Variants in DROSHA observed in about 807,000 individuals in gnomAD.
The protein encoded by DROSHA is drosha ribonuclease III, also known as ribonuclease 3.
A neutral mutation model predicts 181.9 loss-of-function variants in DROSHA; 56 were observed. The observed-to-expected ratio is 0.31, with a 90% CI of 0.25 to 0.38. The LOEUF is 0.38. DROSHA is among the 10% of genes least tolerant of loss of function. The pLI is 1.00. For missense variants in DROSHA, 1,218 were observed against 1,743.5 expected, an observed-to-expected ratio of 0.70 and a Z score of 5.37; for synonymous variants, 524 against 591.2, an observed-to-expected ratio of 0.89 and a Z score of 1.65.
At chr5:31,433,178 A>G (rs1293273318) in intron 25 of DROSHA, among the ~76,000 whole-genome samples, 3 of 152,208 alleles carry the variant, frequency 2.0e-5, no homozygotes, top group African/African-American at 7.2e-5. Context: ...CATATTGGAA[A>G]AACACAAAGA....
At chr5:31,472,355 A>G (rs1749833988) in intron 16 of DROSHA, 123 bp from the exon 17 acceptor site, 1 of 1,198,216 alleles carries the variant, frequency 8.3e-7, no homozygotes, top group South Asian at 1.8e-5. Context: ...CAAAAAGGTA[A>G]TGTAAAATTT....
At position 31,495,318 on chromosome 5, in the gene DROSHA, G is replaced by T. The variant is rs777194754; in HGVS notation, c.1723C>A (p.Arg575=). 6.2e-7 allele frequency: 1 copy of T among 1,613,830 alleles called. No individual in the cohort carries two copies. The highest frequency in any genetic ancestry group is 2.2e-5 in the East Asian group (1 of 44,876). ...TTCGTAGGCGGGGAGACTGTGATCC[G>T]GTAGTGGAAAAGTCTGCCAGCATTG... ...TNNAGRLFHY[R]ITVSPPTNFL... is the part of the protein sequence containing the mutation. Residue 575 remains arginine (R), a synonymous_variant, in exon 12 of 36, where the codon CGG becomes AGG. Coordinates refer to ENST00000344624, the MANE Select transcript of DROSHA (RefSeq NM_001382508.1).
At position 31,489,388 on chromosome 5, in the gene DROSHA, C is replaced by T. The variant is rs1752130673; in HGVS notation, c.1843-2826G>A. On this transcript the variant is annotated intron_variant, in intron 13 of 35. Coordinates refer to ENST00000344624, the MANE Select transcript of DROSHA (RefSeq NM_001382508.1). ...CTCTGACCTCTTCTCTTTGTATATA[C>T]TTTATTTTCTTTTGGGCTTCCATCC... Among the ~76,000 whole-genome samples, 2 of 152,296 alleles carry T rather than the reference C, an allele frequency of 1.3e-5. 1 individual carries two copies.
chr5:31,501,258 G>C (rs1002556556), intron 11 of DROSHA, among the ~76,000 whole-genome samples: 1 of 152,078 alleles, frequency 6.6e-6, no homozygotes, highest in Non-Finnish European at 1.5e-5. Flanking sequence ...GAGAATATGA[G>C]GCCAAGGTAA....
At chr5:31,485,134 T>TA (rs1366278442) in intron 14 of DROSHA, among the ~76,000 whole-genome samples, 172 bp from the exon 15 acceptor site, 1 of 152,192 alleles carries the variant, frequency 6.6e-6, no homozygotes, top group Admixed American at 6.5e-5. Flanking sequence ...GGAAATGAAA[T>TA]AGACAATAAT....
intron 6 of DROSHA, among the ~76,000 whole-genome samples, chr5:31,516,033 A>G (rs1485285055): frequency 6.6e-6 from 1 of 152,154 alleles, no homozygotes; most frequent in Non-Finnish European, 1.5e-5. Context: ...AGGCGGGAGG[A>G]TCACTTAAGC....
intron 4 of DROSHA, among the ~76,000 whole-genome samples, chr5:31,527,318 G>T (rs1412146413): frequency 6.6e-6 from 1 of 151,810 alleles, no homozygotes; most frequent in Non-Finnish European, 1.5e-5. Flanking sequence ...TGCAGATTTG[G>T]GATTACCACC....
intron 6 of DROSHA, among the ~76,000 whole-genome samples, chr5:31,520,753 A>G (rs1739803616): frequency 6.6e-6 from 1 of 152,176 alleles, no homozygotes; most frequent in Admixed American, 6.5e-5. Context: ...AGCAATCTCA[A>G]TGTCATTTTC....
rs644236 is a variant in DROSHA, at chr5:31,409,008, T to C, written c.3854+48A>G. The C allele has an allele frequency of 0.26, 399,012 of 1,559,842 alleles. 63,483 individuals carry two copies. Among genetic ancestry groups the C allele is most frequent in the East Asian group, 0.71 (31,373 of 44,444 alleles). On this transcript the variant is annotated intron_variant, in intron 33 of 35. Transcript: ENST00000344624. The surrounding 1 kb of genome is among the most constrained non-coding windows in gnomAD (Gnocchi z 4.0). ...CTTCAAGGCACATGGAAAGTCAATTTTAGGCATGCTGGATCCAACCAATGG... is the reference window on the plus strand; with the variant it reads ...CTTCAAGGCACATGGAAAGTCAATTCTAGGCATGCTGGATCCAACCAATGG...
intron 6 of DROSHA, among the ~76,000 whole-genome samples, chr5:31,518,059 G>A (rs1363670304): frequency 6.6e-6 from 1 of 152,162 alleles, no homozygotes; most frequent in Non-Finnish European, 1.5e-5. Flanking sequence ...ATCACAGTGT[G>A]CCTACACAAA....
chr5:31,500,196 T>G (rs958040505), intron 11 of DROSHA, among the ~76,000 whole-genome samples: 12 of 152,240 alleles, frequency 7.9e-5, no homozygotes, highest in African/African-American at 2.9e-4. Context: ...GGCCAATACC[T>G]ATAATTGGGG....
At chr5:31,503,223 G>C (rs1257082528) in intron 11 of DROSHA, among the ~76,000 whole-genome samples, 1 of 152,174 alleles carries the variant, frequency 6.6e-6, no homozygotes, top group Admixed American at 6.5e-5. Context: ...TAGCAGAGAG[G>C]AGGCTTCACA....
intron 30 of DROSHA, among the ~76,000 whole-genome samples, chr5:31,415,076 C>T (rs1332963890): frequency 6.6e-6 from 1 of 152,160 alleles, no homozygotes; most frequent in Non-Finnish European, 1.5e-5. Flanking sequence ...AGTCTTTCAT[C>T]ATTACTTTAA....
rs756049295 is a variant in DROSHA at position 31,504,616 on chromosome 5, C to G, written c.1607G>C (p.Cys536Ser). ...GCGTCTTGCCTTTGCGCTGCATTTG[C>G]AGAGTGGTCCATCATTCATCTGTCA... Reference protein sequence around the residue: ...DPGQMNDGPLCKCSAKARRTG... With the variant: ...DPGQMNDGPLSKCSAKARRTG... The change falls in exon 11 of 36, where the codon TGC (cysteine) becomes TCC (serine). Residue 536 changes from cysteine to serine, a missense_variant. Coordinates refer to ENST00000344624, the MANE Select transcript of DROSHA (RefSeq NM_001382508.1). 6.2e-7 allele frequency: 1 copy of G among 1,613,946 alleles called. No individual in the cohort carries two copies. The highest frequency in any genetic ancestry group is 8.5e-7 in the Non-Finnish European group (1 of 1,179,888).
At chr5:31,513,323 C>T (rs116703749) in intron 8 of DROSHA, among the ~76,000 whole-genome samples, 2,294 of 152,306 alleles carry the variant, frequency 0.015, 52 homozygotes, top group African/African-American at 0.052. Context: ...TCAGTGAACA[C>T]CAGCCATGGC....
At chr5:31,509,672 C>T (rs969029508) in intron 9 of DROSHA, among the ~76,000 whole-genome samples, 11 of 152,126 alleles carry the variant, frequency 7.2e-5, no homozygotes, top group Non-Finnish European at 5.9e-5. Context: ...GAATGCAAGA[C>T]CAAAGACTTG....
At chr5:31,432,123 A>G (rs1744250968) in intron 25 of DROSHA, among the ~76,000 whole-genome samples, 1 of 151,816 alleles carries the variant, frequency 6.6e-6, no homozygotes, top group South Asian at 2.1e-4. Context: ...TGTCAGCACC[A>G]TACAAAACAG....
intron 30 of DROSHA, 86 bp downstream of exon 30, chr5:31,421,186 T>C: frequency 2.9e-6 from 3 of 1,033,812 alleles, no homozygotes; most frequent in Non-Finnish European, 4.4e-6. Flanking sequence ...AGTAAGAAAT[T>C]AATTACATAG....
chr5:31,479,414 T>C (rs1008837389), intron 16 of DROSHA, among the ~76,000 whole-genome samples: 10 of 152,172 alleles, frequency 6.6e-5, no homozygotes, highest in African/African-American at 2.2e-4. Context: ...GCTGGGTCAA[T>C]TGGATACCCA....
Sources: allele counts gnomAD v4.1 joint callset (sites outside exome capture counted in the v4.1 genomes callset), GRCh38; gene constraint gnomAD v4.1.1; non-coding constraint Gnocchi (gnomAD v3.1); transcripts MANE v1.5; gene names NCBI Gene and HGNC (gene_info 2026-07-23, HGNC 2026-07-21).